Variants in CEP55 observed in about 807,000 individuals in gnomAD.
CEP55 encodes the protein centrosomal protein 55.
A neutral mutation model predicts 63.2 loss-of-function variants in CEP55; 57 were observed. That is an observed-to-expected ratio of 0.90 (90% CI 0.73 to 1.13). The LOEUF (loss-of-function observed/expected upper bound fraction) is 1.13. Among genes scored for constraint, CEP55 ranks in the 50% most tolerant of loss-of-function variants. CEP55 has a pLI of 0.00. For synonymous variants in CEP55, 178 were observed against 191.6 expected, an observed-to-expected ratio of 0.93 and a Z score of 0.59; for missense variants, 456 against 518.9, an observed-to-expected ratio of 0.88 and a Z score of 1.18.
At chr10:93,506,286 A>T (rs12416015) in intron 3 of CEP55, among the ~76,000 whole-genome samples, 80,607 of 151,944 alleles carry the variant, frequency 0.53, 23,387 homozygotes, top group Non-Finnish European at 0.65. Context: ...TAGAAAAAAA[A>T]TTTTACCTTT....
chr10:93,512,078 A>AT (rs2057756613), intron 4 of CEP55, among the ~76,000 whole-genome samples: 6 of 151,588 alleles, frequency 4.0e-5, no homozygotes, highest in African/African-American at 1.4e-4. Flanking sequence ...AAAATACAAA[A>AT]AAGCTGGGCG....
intron 4 of CEP55, among the ~76,000 whole-genome samples, chr10:93,511,533 C>T (rs1439359226): frequency 6.6e-6 from 1 of 152,140 alleles, no homozygotes; most frequent in Non-Finnish European, 1.5e-5. Context: ...AATACTACCC[C>T]TTGAATCTTC....
intron 8 of CEP55, among the ~76,000 whole-genome samples, chr10:93,522,827 C>T (rs2057878116): frequency 1.3e-5 from 2 of 152,170 alleles, no homozygotes; most frequent in Non-Finnish European, 2.9e-5. Context: ...AATTTCATAT[C>T]CAGCCAGAGT....
chr10:93,519,009 A>T (rs1369050254), intron 7 of CEP55, 61 bp downstream of exon 7: 10 of 1,258,014 alleles, frequency 7.9e-6, no homozygotes, highest in Non-Finnish European at 1.2e-5. Flanking sequence ...GTTTTTCCTC[A>T]TGTTTATGCT....
chr10:93,515,431 C>G lies in CEP55; in HGVS notation c.555C>G (p.Leu185=). 1 of 1,608,972 alleles carries G rather than the reference C, an allele frequency of 6.2e-7. No individual in the cohort carries two copies. The highest frequency in any genetic ancestry group is 8.5e-7 in the Non-Finnish European group (1 of 1,176,108). ...KDALEKNQQW[L]VYDQQREVYV... is the part of the protein sequence containing the mutation. Reference sequence around the variant, plus strand: ...CTCTGGAGAAAAATCAGCAGTGGCTCGTGTATGATCAGCAGCGGGAAGTCT... The same window carrying G: ...CTCTGGAGAAAAATCAGCAGTGGCTGGTGTATGATCAGCAGCGGGAAGTCT... The change falls in exon 5 of 9, where the codon CTC becomes CTG. Residue 185 remains leucine, a synonymous_variant. Coordinates refer to ENST00000371485, the MANE Select transcript of CEP55 (RefSeq NM_018131.5).
At chr10:93,519,900 A>C (rs781217910) in intron 8 of CEP55, 93 bp downstream of exon 8, 10 of 1,315,150 alleles carry the variant, frequency 7.6e-6, no homozygotes, top group Non-Finnish European at 9.8e-6. Context: ...CTTAACACAC[A>C]GCTAGCTGTA....
At chr10:93,500,330 T>TG in intron 2 of CEP55, 96 bp downstream of exon 2, 1 of 1,038,186 alleles carries the variant, frequency 9.6e-7, no homozygotes, top group Non-Finnish European at 1.4e-6. Context: ...CCGTGTTCCC[T>TG]GTCTTGTCCA....
intron 7 of CEP55, 109 bp downstream of exon 7, chr10:93,519,057 C>G: frequency 1.3e-6 from 1 of 743,988 alleles, no homozygotes; most frequent in Non-Finnish European, 2.3e-6. Flanking sequence ...TGAAAAGTGT[C>G]TTTAAAAGAC....
At chr10:93,499,429 T>C (rs989224109) in intron 1 of CEP55, among the ~76,000 whole-genome samples, 1 of 152,198 alleles carries the variant, frequency 6.6e-6, no homozygotes, top group African/African-American at 2.4e-5. Flanking sequence ...GACCCCTTCA[T>C]TGTTTTTTAA....
intron 5 of CEP55, among the ~76,000 whole-genome samples, chr10:93,516,398 G>A (rs541438330): frequency 6.6e-6 from 1 of 152,266 alleles, no homozygotes; most frequent in East Asian, 1.9e-4. Flanking sequence ...ATGTGCTTAT[G>A]TAAAAGCAGG....
chr10:93,516,785 C>T (rs2057807657), intron 5 of CEP55, 150 bp from the exon 6 acceptor site: 6 of 546,656 alleles, frequency 1.1e-5, no homozygotes, highest in Non-Finnish European at 1.9e-5. Context: ...TTTTTTATTT[C>T]ATCAAATATC....
intron 6 of CEP55, among the ~76,000 whole-genome samples, chr10:93,518,299 A>G (rs1248806864): frequency 6.6e-6 from 1 of 151,954 alleles, no homozygotes; most frequent in Non-Finnish European, 1.5e-5. Flanking sequence ...ACAGGTGCCC[A>G]CCACCACGGC....
chr10:93,504,144 T>C (rs546129909), intron 3 of CEP55, among the ~76,000 whole-genome samples: 58 of 152,284 alleles, frequency 3.8e-4, no homozygotes, highest in Middle Eastern at 3.4e-3. Flanking sequence ...TTTGATTCTT[T>C]TGGAGATTTG....
intron 1 of CEP55, among the ~76,000 whole-genome samples, chr10:93,498,142 C>CAA (rs59748994): frequency 0.28 from 38,777 of 136,542 alleles, 5,937 homozygotes; most frequent in African/African-American, 0.43. Flanking sequence ...CCGCCCCCGC[C>CAA]AAAAAAAAAA....
intron 6 of CEP55, among the ~76,000 whole-genome samples, chr10:93,517,716 T>C (rs2057818936): frequency 6.6e-6 from 1 of 152,272 alleles, no homozygotes; most frequent in Admixed American, 6.5e-5. Context: ...ATGTTCTTGT[T>C]ATGCTCATAG....
chr10:93,519,972 C>T (rs2057842538), intron 8 of CEP55, 165 bp downstream of exon 8: 1 of 703,752 alleles, frequency 1.4e-6, no homozygotes. Flanking sequence ...AGCATCAATT[C>T]AGAGGACATG....
At chr10:93,518,793 C>T in intron 6 of CEP55, 84 bp from the exon 7 acceptor site, 2 of 882,316 alleles carry the variant, frequency 2.3e-6, no homozygotes, top group South Asian at 3.2e-5. Flanking sequence ...AGATGTGAGA[C>T]TTGTGATGTG....
intron 4 of CEP55, among the ~76,000 whole-genome samples, chr10:93,513,950 C>CCTT (rs1564765366): frequency 6.9e-6 from 1 of 144,384 alleles, no homozygotes; most frequent in Non-Finnish European, 1.5e-5. Context: ...TCCCCCTCCC[C>CCTT]TTTTTTTTTT....
Position 93,517,006 on chromosome 10 carries a change from G to C in CEP55, c.751G>C (p.Glu251Gln), listed in dbSNP as rs757184274. ...AAGTGCAAAAAAAGATCTTGAGGTTGAACGACAAACCATAACTCAGCTGAG... is the reference window on the plus strand; with the variant it reads ...AAGTGCAAAAAAAGATCTTGAGGTTCAACGACAAACCATAACTCAGCTGAG... Reference protein sequence around the residue: ...LASAKKDLEVERQTITQLSFE... With the variant: ...LASAKKDLEVQRQTITQLSFE... Residue 251 changes from glutamate (E) to glutamine (Q), a missense_variant, in exon 6 of 9, where the codon GAA becomes CAA. Coordinates refer to ENST00000371485, the MANE Select transcript of CEP55 (RefSeq NM_018131.5). 1.2e-6 allele frequency: 2 copies of C among 1,609,274 alleles called. No individual in the cohort carries two copies. Among genetic ancestry groups the C allele is most frequent in the East Asian group, 4.5e-5 (2 of 44,766 alleles).
Sources: allele counts gnomAD v4.1 joint callset (sites outside exome capture counted in the v4.1 genomes callset), GRCh38; gene constraint gnomAD v4.1.1; transcripts MANE v1.5; gene names NCBI Gene and HGNC (gene_info 2026-07-23, HGNC 2026-07-21).